SAMSN1: variants seen among roughly 807,000 people sequenced by gnomAD.
SAMSN1 encodes the protein SAM domain-containing protein SAMSN-1.
A neutral mutation model predicts 42.0 loss-of-function variants in SAMSN1; 31 were observed. The observed-to-expected ratio is 0.74, with a 90% CI of 0.55 to 1.00. The LOEUF (loss-of-function observed/expected upper bound fraction) is 1.00, where lower values mean the gene tolerates loss of function less well. SAMSN1 is among the 50% of genes least tolerant of loss of function. The pLI is 0.00. For missense variants in SAMSN1, 464 were observed against 439.4 expected (o/e 1.06, Z -0.50); for synonymous variants, 178 against 151.9 (o/e 1.17, Z -1.26).
At chr21:14,639,499 T>C (rs1983544086) in intron 2 of SAMSN1, among the ~76,000 whole-genome samples, 2 of 152,216 alleles carry the variant, frequency 1.3e-5, no homozygotes, top group South Asian at 4.1e-4. Flanking sequence ...ATTTGTAAGA[T>C]TAGAGCTTTC....
At chr21:14,658,643 T>C in intron 1 of SAMSN1, 1 of 672,886 alleles carries the variant, frequency 1.5e-6, no homozygotes, top group Admixed American at 2.2e-5. Flanking sequence ...ATGCTAAGTG[T>C]ATGAATATCA....
At chr21:14,551,836 G>T (rs905550370) in intron 2 of SAMSN1, among the ~76,000 whole-genome samples, 1 of 152,066 alleles carries the variant, frequency 6.6e-6, no homozygotes, top group African/African-American at 2.4e-5. Flanking sequence ...TTGGTAACGT[G>T]TCTAGTTTGC....
chr21:14,527,727 C>T (rs1978957244), intron 1 of SAMSN1, among the ~76,000 whole-genome samples: 1 of 147,542 alleles, frequency 6.8e-6, no homozygotes, highest in South Asian at 2.1e-4. Flanking sequence ...TTGAAACCAT[C>T]TCCAAGATTA....
intron 6 of SAMSN1, among the ~76,000 whole-genome samples, chr21:14,594,281 G>A (rs1435861584): frequency 1.3e-5 from 2 of 152,022 alleles, no homozygotes; most frequent in Admixed American, 1.3e-4. Context: ...AGACAAATAT[G>A]GAATATGTGT....
At chr21:14,579,293 T>A (rs1382414942) in intron 2 of SAMSN1, among the ~76,000 whole-genome samples, 1 of 152,238 alleles carries the variant, frequency 6.6e-6, no homozygotes, top group African/African-American at 2.4e-5. Context: ...ATTCTGTAGA[T>A]ATGTTTGACC....
chr21:14,554,177 G>A (rs567541913), intron 2 of SAMSN1, among the ~76,000 whole-genome samples: 1 of 152,040 alleles, frequency 6.6e-6, no homozygotes, highest in Non-Finnish European at 1.5e-5. Flanking sequence ...ATAACATTCT[G>A]TTCTTAAGTT....
At chr21:14,627,241 C>T (rs1237332439) in intron 2 of SAMSN1, among the ~76,000 whole-genome samples, 7 of 149,978 alleles carry the variant, frequency 4.7e-5, no homozygotes, top group African/African-American at 9.9e-5. Flanking sequence ...CAAACCTGCA[C>T]GTTGTGCACA....
At chr21:14,499,410 T>C (rs1484959589) in intron 6 of SAMSN1, among the ~76,000 whole-genome samples, 1 of 151,682 alleles carries the variant, frequency 6.6e-6, no homozygotes. Flanking sequence ...TCAATATCCT[T>C]ATTTTAATTA....
intron 2 of SAMSN1, among the ~76,000 whole-genome samples, chr21:14,634,823 C>T (rs761291301): frequency 5.7e-4 from 87 of 152,230 alleles, no homozygotes; most frequent in Middle Eastern, 6.8e-3. Context: ...CCATATATCC[C>T]GTTACTGGGT....
chr21:14,539,246 C>T (rs1348125199), intron 1 of SAMSN1, among the ~76,000 whole-genome samples: 1 of 152,106 alleles, frequency 6.6e-6, no homozygotes, highest in Non-Finnish European at 1.5e-5. Context: ...ACAGGGATGC[C>T]CTCTCTCACC....
At chr21:14,577,272 ATATATATATATAT>A (rs1295017222) in intron 2 of SAMSN1, among the ~76,000 whole-genome samples, 9 of 49,578 alleles carry the variant, frequency 1.8e-4, no homozygotes, top group African/African-American at 1.2e-4. Context: ...ATATATATAT[ATATATATATATAT>A]TTTTTTTTTA....
intron 1 of SAMSN1, among the ~76,000 whole-genome samples, chr21:14,526,516 G>A (rs1331560624): frequency 2.6e-5 from 4 of 152,082 alleles, no homozygotes; most frequent in Non-Finnish European, 4.4e-5. Flanking sequence ...TTTTTTATTA[G>A]TACCTCTCCA....
At chr21:14,528,395 C>A (rs545964008) in intron 1 of SAMSN1, among the ~76,000 whole-genome samples, 1 of 152,100 alleles carries the variant, frequency 6.6e-6, no homozygotes, top group Non-Finnish European at 1.5e-5. Context: ...AGAATTTCCC[C>A]AGGGAACCCA....
At chr21:14,605,925 T>A (rs1195226129) in intron 5 of SAMSN1, among the ~76,000 whole-genome samples, 1 of 151,930 alleles carries the variant, frequency 6.6e-6, no homozygotes, top group Non-Finnish European at 1.5e-5. Flanking sequence ...CACTGCAAGC[T>A]CCGCCTCCCA....
chr21:14,503,216 C>T (rs1261754178), intron 5 of SAMSN1, among the ~76,000 whole-genome samples: 1 of 152,068 alleles, frequency 6.6e-6, no homozygotes, highest in African/African-American at 2.4e-5. Flanking sequence ...ATGGGTCTGA[C>T]AAATCAGGTA....
chr21:14,573,170 T>C (rs1239301053), intron 2 of SAMSN1, among the ~76,000 whole-genome samples: 17 of 152,092 alleles, frequency 1.1e-4, no homozygotes, highest in Admixed American at 1.0e-3. Context: ...GTCAGGGTGA[T>C]GGTGGCAAAA....
intron 1 of SAMSN1, among the ~76,000 whole-genome samples, chr21:14,651,506 TA>T (rs1354391892): frequency 6.6e-6 from 1 of 151,750 alleles, no homozygotes; most frequent in African/African-American, 2.4e-5. Context: ...AAAAAATACC[TA>T]AAAAAACTGA....
chr21:14,586,412 A>T (rs926471375), upstream of SAMSN1, among the ~76,000 whole-genome samples: 3 of 152,132 alleles, frequency 2.0e-5, no homozygotes, highest in African/African-American at 7.2e-5. Context: ...TACCTTTTAA[A>T]TTTTAAATGT....
intron 2 of SAMSN1, among the ~76,000 whole-genome samples, chr21:14,626,711 C>T (rs1983186426): frequency 6.6e-6 from 1 of 152,206 alleles, no homozygotes; most frequent in Non-Finnish European, 1.5e-5. Flanking sequence ...TTGTGGAAGA[C>T]AGTGTGGCGA....
Sources: gnomAD v4.1 joint callset for allele counts (sites outside exome capture counted in the v4.1 genomes callset) on GRCh38, gnomAD v4.1.1 for gene constraint, MANE v1.5 for transcripts, NCBI Gene and HGNC (gene_info 2026-07-23, HGNC 2026-07-21) for gene names.